The following LAMC3 variants were observed in gnomAD, a reference collection of about 807,000 sequenced individuals.
LAMC3 encodes laminin subunit gamma-3.
Under a neutral mutation model 173.8 loss-of-function variants are expected in LAMC3, and 128 were observed. The ratio of observed to expected loss-of-function variants is 0.74; its 90% CI spans 0.64 to 0.85. LAMC3 has a LOEUF of 0.85. LAMC3 is among the 40% of genes least tolerant of loss of function. The pLI is 0.00. For synonymous variants in LAMC3, 897 were observed against 909.1 expected (o/e 0.99, Z 0.24); for missense variants, 2,022 against 2,156.0 (o/e 0.94, Z 1.23).
chr9:131,082,781 G>A (rs937041070), intron 24 of LAMC3, among the ~76,000 whole-genome samples: 2 of 152,142 alleles, frequency 1.3e-5, no homozygotes, highest in South Asian at 2.1e-4. Flanking sequence ...CTTATCCAAC[G>A]GGCTGGATAA....
At chr9:131,050,431 A>G (rs1045316587) in intron 9 of LAMC3, among the ~76,000 whole-genome samples, 1 of 152,206 alleles carries the variant, frequency 6.6e-6, no homozygotes, top group African/African-American at 2.4e-5. Flanking sequence ...TATTCTGCCT[A>G]CGAGCACTCA....
chr9:131,079,073 G>A (rs770811435), intron 22 of LAMC3, 76 bp from the exon 23 acceptor site: 5 of 1,558,434 alleles, frequency 3.2e-6, no homozygotes, highest in Non-Finnish European at 4.4e-6. Context: ...GCCCAGCAGG[G>A]CACCTCCCCC....
chr9:131,031,842 C>T lies in LAMC3; in HGVS notation c.679-203C>T, dbSNP rs2275134. 0.28 allele frequency among the ~76,000 whole-genome samples: 42,895 copies of T among 152,104 alleles called. 7,302 individuals are homozygous for T. The highest frequency in any genetic ancestry group is 0.65 in the East Asian group (3,366 of 5,150). Reference sequence around the variant, plus strand: ...AGACACTGAATGCAGTTGCACTAATCAGTAGCCTAGCACCCAGGTTGGGGT... The same window carrying T: ...AGACACTGAATGCAGTTGCACTAATTAGTAGCCTAGCACCCAGGTTGGGGT... On this transcript the variant is annotated intron_variant, in intron 2 of 27. Coordinates refer to ENST00000361069, the MANE Select transcript of LAMC3 (RefSeq NM_006059.4).
At position 131,039,214 on chromosome 9, in the gene LAMC3, C is replaced by T; in HGVS notation, c.1249C>T (p.Pro417Ser). 1 of 1,607,490 alleles carries T rather than the reference C, an allele frequency of 6.2e-7. No individual in the cohort carries two copies. Among genetic ancestry groups the T allele is most frequent in the African/African-American group, 1.3e-5 (1 of 75,044 alleles). ...VTGWKCDRCLPGFHSLSEGGC... is the reference protein window; with the variant it reads ...VTGWKCDRCLSGFHSLSEGGC... ...TGGCTGGAAGTGTGACCGCTGTCTG[C>T]CCGGGTTCCACTCGCTCAGTGAGGG... is the stretch of plus-strand genomic sequence containing the variant. The change falls in exon 6 of 28, where the codon CCC becomes TCC. Residue 417 changes from proline to serine, a missense_variant. By Grantham distance (74) the Pro-to-Ser change is moderately conservative. Coordinates refer to ENST00000361069, the MANE Select transcript of LAMC3 (RefSeq NM_006059.4).
rs1829809290 is a variant in LAMC3, at chr9:131,061,171, C to T, written c.2295C>T (p.Thr765=). 3 of 1,612,396 alleles carry T rather than the reference C, an allele frequency of 1.9e-6. No individual in the cohort carries two copies. Among genetic ancestry groups the T allele is most frequent in the Admixed American group, 1.7e-5 (1 of 59,992 alleles). ...CPCPGQSACT[T]IPESREVVCT... ...GCCCTGGCCAGTCGGCCTGTACGAC[C>T]ATCCCAGAGAGCCGGGAGGTGGTGT... The change falls in exon 13 of 28, where the codon ACC becomes ACT. Residue 765 remains threonine (T), a synonymous_variant. Coordinates refer to ENST00000361069, the MANE Select transcript of LAMC3 (RefSeq NM_006059.4).
intron 25 of LAMC3, 90 bp downstream of exon 25, chr9:131,085,813 A>G (rs1241632416): frequency 4.1e-6 from 5 of 1,219,820 alleles, no homozygotes; most frequent in Non-Finnish European, 4.8e-6. Flanking sequence ...CGTGCTGACT[A>G]CTCCGCACTC....
At chr9:131,076,064 A>G (rs1015141712) in intron 21 of LAMC3, 99 bp downstream of exon 21, 3 of 1,218,504 alleles carry the variant, frequency 2.5e-6, no homozygotes, top group Non-Finnish European at 3.4e-6. Flanking sequence ...AGCTCCCTTG[A>G]GTCCTGACGT....
chr9:131,080,036 A>G (rs1329696540), intron 23 of LAMC3, among the ~76,000 whole-genome samples: 2 of 152,134 alleles, frequency 1.3e-5, no homozygotes, highest in Non-Finnish European at 2.9e-5. Flanking sequence ...GCAGTGACAC[A>G]ATCTCGGTTC....
At chr9:131,075,631 G>A (rs2133332349) in intron 20 of LAMC3, among the ~76,000 whole-genome samples, 200 bp from the exon 21 acceptor site, 1 of 152,086 alleles carries the variant, frequency 6.6e-6, no homozygotes, top group South Asian at 2.1e-4. Context: ...ATGTCTCTGT[G>A]TAACAGAAAC....
At chr9:131,076,709 C>A (rs946185722) in intron 21 of LAMC3, among the ~76,000 whole-genome samples, 2 of 152,128 alleles carry the variant, frequency 1.3e-5, no homozygotes, top group African/African-American at 4.8e-5. Context: ...TTATAGACCA[C>A]AGGCCTGTCA....
chr9:131,052,413 G>A (rs1834306385), intron 9 of LAMC3, 78 bp from the exon 10 acceptor site: 1 of 1,285,880 alleles, frequency 7.8e-7, no homozygotes, highest in African/African-American at 1.5e-5. Flanking sequence ...ATGTTTAGTT[G>A]CCGATAAAAT....
At chr9:131,055,225 GGCTGCTCTGATGAGGAGTGTC>G (rs1834377172) in intron 11 of LAMC3, among the ~76,000 whole-genome samples, 1 of 152,096 alleles carries the variant, frequency 6.6e-6, no homozygotes, top group African/African-American at 2.4e-5. Context: ...CCTTCAGAAA[GGCTGCTCTGATGAGGAGTGTC>G]GGCCGCCTCC....
In LAMC3 at chr9:131,035,632, G is replaced by A. The variant is rs145428115; in HGVS notation, c.810-534G>A. Among the ~76,000 whole-genome samples, 633 of 152,290 alleles carry A rather than the reference G, an allele frequency of 4.2e-3. 7 individuals are homozygous for A. Among genetic ancestry groups the A allele is most frequent in the African/African-American group, 0.014 (601 of 41,560 alleles). ...GGGGACACAGATCCAAACCATATCC[G>A]AAGTGGACTCATGGGGGATTTGGAG... On this transcript the variant is annotated intron_variant, in intron 3 of 27. Transcript: ENST00000361069.
Position 131,087,705 on chromosome 9 carries a change from C to T in LAMC3, c.4378-13C>T, listed in dbSNP as rs1830356685. ...ACGCCATTCAAGCTGTTTCTTCCTC[C>T]TCCCCCTGAAAGGTGGGTGCTGGGC... On this transcript the variant is annotated splice_polypyrimidine_tract_variant and intron_variant, in intron 26 of 27. Transcript: ENST00000361069. 1.2e-6 allele frequency: 2 copies of T among 1,613,940 alleles called. No homozygotes were observed. Among genetic ancestry groups the T allele is most frequent in the East Asian group, 2.2e-5 (1 of 44,888 alleles).
In LAMC3 at chr9:131,072,620, CT is replaced by C; in HGVS notation, c.3212-8del. 6.2e-7 allele frequency: 1 copy of C among 1,605,464 alleles called. No homozygotes were observed. The highest frequency in any genetic ancestry group is 8.5e-7 in the Non-Finnish European group (1 of 1,177,332). ...CACTTTGTGACCCCTGGGCTGTGGG[CT>C]TCCCATAGGGGCTCGGGAAGCCTTC... On this transcript the variant is annotated splice_polypyrimidine_tract_variant and intron_variant, in intron 18 of 27. Transcript: ENST00000361069.
chr9:131,022,786 C>A (rs1363639591), intron 1 of LAMC3, among the ~76,000 whole-genome samples: 1 of 152,076 alleles, frequency 6.6e-6, no homozygotes, highest in Non-Finnish European at 1.5e-5. Context: ...CTATGTTACC[C>A]AGGCTGGTCT....
chr9:131,072,823 T>G lies in LAMC3; in HGVS notation c.3405T>G (p.Ile1135Met). ...AGGAGATTCTGCATGCAGCTGCCATTCTCGCGTCTCTGGTATCCCAGGGGA... is the reference window on the plus strand; with the variant it reads ...AGGAGATTCTGCATGCAGCTGCCATGCTCGCGTCTCTGGTATCCCAGGGGA... Reference protein sequence around the residue: ...SEEEILHAAAILASLEIPQEG... With the variant: ...SEEEILHAAAMLASLEIPQEG... The change falls in exon 19 of 28, where the codon ATT becomes ATG. Residue 1135 changes from isoleucine to methionine, a missense_variant. By Grantham distance (10) the Ile-to-Met change is conservative. Transcript: ENST00000361069. 1 of 1,611,186 alleles carries G rather than the reference T, an allele frequency of 6.2e-7. No individual in the cohort carries two copies. Among genetic ancestry groups the G allele is most frequent in the Non-Finnish European group, 8.5e-7 (1 of 1,178,870 alleles).
chr9:131,082,460 C>T (rs775216719), intron 24 of LAMC3, among the ~76,000 whole-genome samples: 130 of 152,312 alleles, frequency 8.5e-4, no homozygotes, highest in Admixed American at 3.0e-3. Context: ...CAGGTCAAGT[C>T]CACTCTGGCC....
rs756530877 is a variant in LAMC3 at position 131,082,077 on chromosome 9, G to T, written c.3946G>T (p.Ala1316Ser). ...PLTKLHQEAR[A>S]ALTQASSSVQ... ...TCTCCAGCTGCACCAGGAGGCCAGA[G>T]CCGCCCTGACCCAGGCTTCCTCATC... Residue 1316 changes from alanine (A) to serine (S), a missense_variant, in exon 24 of 28, where the codon GCC becomes TCC. Physicochemically the swap from Ala to Ser is moderately conservative, Grantham distance 99 (BLOSUM62 1). Coordinates refer to ENST00000361069, the MANE Select transcript of LAMC3 (RefSeq NM_006059.4). 6.2e-6 allele frequency: 10 copies of T among 1,613,880 alleles called. No individual in the cohort carries two copies. In the Admixed American group the frequency reaches 1.7e-4, roughly 27 times the overall value.
Sources: allele counts gnomAD v4.1 joint callset (sites outside exome capture counted in the v4.1 genomes callset), GRCh38; gene constraint gnomAD v4.1.1; transcripts MANE v1.5; gene names NCBI Gene and HGNC (gene_info 2026-07-23, HGNC 2026-07-21).